MZT2A: variants seen among roughly 807,000 people sequenced by gnomAD.
The protein encoded by MZT2A is mitotic spindle organizing protein 2A.
In MZT2A, 8 loss-of-function variants were observed where a neutral mutation model predicts 12.4. The ratio of observed to expected loss-of-function variants is 0.64; its 90% CI spans 0.38 to 1.16. The LOEUF (loss-of-function observed/expected upper bound fraction) is 1.16. Among genes scored for constraint, MZT2A ranks in the 50% most tolerant of loss-of-function variants. MZT2A has a pLI of 0.01. For synonymous variants in MZT2A, 88 were observed against 107.5 expected (o/e 0.82, Z 1.12); for missense variants, 181 against 223.6 (o/e 0.81, Z 1.22).
In MZT2A at chr2:131,492,000, C is replaced by G. The variant is rs1436915092; in HGVS notation, c.195G>C (p.Leu65=). Residue 65 remains leucine (L), a synonymous_variant, in exon 2 of 3, where the codon CTG becomes CTC. Transcript: ENST00000309451. ...VFKILVDLLK[L]NVAPLAVFQM... is the part of the protein sequence containing the mutation. ...GGAAGACGGCGAGGGGGGCCACGTT[C>G]AGCTTCAGCAGGTCCACCAGGATCC... is the stretch of plus-strand genomic sequence containing the variant. The G allele has an allele frequency of 1.9e-6, 3 of 1,547,348 alleles. No individual in the cohort carries two copies. In the South Asian group the frequency reaches 3.6e-5, roughly 19 times the overall value.
intron 2 of MZT2A, among the ~76,000 whole-genome samples, chr2:131,488,531 TC>T (rs1356527817): frequency 7.2e-6 from 1 of 139,268 alleles, no homozygotes; most frequent in African/African-American, 2.7e-5. Context: ...TCCATGCCCC[TC>T]CCCCCGGATT....
downstream of MZT2A, chr2:131,480,479 C>A: frequency 1.3e-6 from 2 of 1,588,886 alleles, no homozygotes; most frequent in Non-Finnish European, 1.7e-6. Flanking sequence ...TAGTGCCGTA[C>A]CCCCGCATCC....
intron 2 of MZT2A, among the ~76,000 whole-genome samples, chr2:131,486,913 C>A (rs772548130): frequency 3.3e-5 from 5 of 152,102 alleles, no homozygotes; most frequent in African/African-American, 1.2e-4. Flanking sequence ...GCTCTCGGGG[C>A]TAGTGGGGAG....
intron 2 of MZT2A, chr2:131,476,211 C>T (rs749861322): frequency 4.3e-6 from 7 of 1,613,900 alleles, no homozygotes; most frequent in Middle Eastern, 1.7e-4. Flanking sequence ...TGGTAAGGCC[C>T]GGGTCACTCC....
intron 2 of MZT2A, among the ~76,000 whole-genome samples, chr2:131,488,402 G>C (rs1216294865): frequency 1.3e-5 from 2 of 152,130 alleles, no homozygotes; most frequent in African/African-American, 4.8e-5. Context: ...CTGCATGGCT[G>C]GGGGACAGGC....
chr2:131,488,229 G>T (rs1349554643), intron 2 of MZT2A, among the ~76,000 whole-genome samples: 1 of 152,180 alleles, frequency 6.6e-6, no homozygotes, highest in Admixed American at 6.5e-5. Flanking sequence ...AAAACGTATA[G>T]TTTCCCTAAA....
intron 2 of MZT2A, chr2:131,476,088 G>T (rs2622025): frequency 6.4e-7 from 1 of 1,551,050 alleles, no homozygotes; most frequent in Non-Finnish European, 8.7e-7. Context: ...TGGCACCGGC[G>T]GGCCAATCCC....
intron 2 of MZT2A, chr2:131,490,280 G>C: frequency 9.9e-7 from 1 of 1,005,264 alleles, no homozygotes; most frequent in Non-Finnish European, 1.2e-6. Context: ...GTGTGGCACT[G>C]CCTGGCAGAC....
chr2:131,489,628 A>G (rs1221987929), intron 2 of MZT2A: 1 of 153,184 alleles, frequency 6.5e-6, no homozygotes. Context: ...TCAGCCTCCC[A>G]AAGTGCTGGG....
rs1349296321 is a variant in MZT2A, at chr2:131,478,375, C to T, written c.279-6193G>A. ...AGAGCAGTGTTTGTGGACCTGGAGC[C>T]CACTGTGGTCGGTAGGTGCCTGGGC... On this transcript the variant is annotated intron_variant and NMD_transcript_variant, in intron 2 of 4. Transcript: ENST00000427024. 17 of 1,612,886 alleles carry T rather than the reference C, an allele frequency of 1.1e-5. No individual in the cohort carries two copies. In the Admixed American group the frequency reaches 2.7e-4, roughly 25 times the overall value.
In MZT2A at chr2:131,474,408, T is replaced by C. The variant is rs1229723658; in HGVS notation, c.279-2226A>G. Reference sequence around the variant, plus strand: ...CACCGCGCCCAGTCTTCTTCTTCTTTTTTTTTTTTTTTTTTTTTTGAGATG... The same window carrying C: ...CACCGCGCCCAGTCTTCTTCTTCTTCTTTTTTTTTTTTTTTTTTTGAGATG... On this transcript the variant is annotated intron_variant and NMD_transcript_variant, in intron 2 of 4. Coordinates refer to the MZT2A transcript ENST00000427024. 1.6e-3 allele frequency among the ~76,000 whole-genome samples: 158 copies of C among 96,336 alleles called. 3 individuals are homozygous for C. The highest frequency in any genetic ancestry group is 5.9e-3 in the South Asian group (20 of 3,418). 63.2% of individuals were successfully genotyped at this position (96,336 alleles called of 152,430 possible). A position where few individuals can be genotyped will look rare whatever the true frequency, so the allele number is the denominator to read the frequency against.
In MZT2A at chr2:131,489,893, C is replaced by G. The variant is rs1053630871; in HGVS notation, c.319+1983G>C. 3 of 974,510 alleles carry G rather than the reference C, an allele frequency of 3.1e-6. No individual in the cohort carries two copies. In the African/African-American group the frequency reaches 5.3e-5, roughly 17 times the overall value. The allele number at this position is 974,510 out of a possible 1,614,324, so 60.4% of individuals were successfully genotyped here. A position where few individuals can be genotyped will look rare whatever the true frequency, so the allele number is the denominator to read the frequency against. On this transcript the variant is annotated intron_variant, in intron 2 of 2. Transcript: ENST00000309451. ...CCTGCCACGCCCTCTGCCCTGAGAG[C>G]TAGGCCTGGCACCCAGAGCCCTGAG... is the stretch of plus-strand genomic sequence containing the variant.
At chr2:131,490,782 G>A in intron 2 of MZT2A, 1 of 1,549,980 alleles carries the variant, frequency 6.5e-7, no homozygotes, top group Non-Finnish European at 8.7e-7. Context: ...AGAGGTGAGT[G>A]TGTGGCAGCT....
At chr2:131,472,049 C>T (rs1704998282) in intron 3 of MZT2A, 19 of 1,288,348 alleles carry the variant, frequency 1.5e-5, no homozygotes, top group Non-Finnish European at 1.9e-5. Context: ...CCTTTCTCAC[C>T]CAGAACCGAA....
chr2:131,476,002 A>G, intron 2 of MZT2A: 1 of 971,482 alleles, frequency 1.0e-6, no homozygotes, highest in Non-Finnish European at 1.5e-6. Context: ...CCCAGTACAC[A>G]TGTTGAGCAA....
upstream of MZT2A, among the ~76,000 whole-genome samples, chr2:131,493,698 C>G (rs1431790722): frequency 1.3e-5 from 2 of 151,974 alleles, no homozygotes; most frequent in African/African-American, 4.8e-5. Context: ...AAAAAACAAA[C>G]GGGTCCGAAG....
At chr2:131,482,684 C>T, downstream of MZT2A, 2 of 1,614,168 alleles carry the variant, frequency 1.2e-6, no homozygotes, top group Non-Finnish European at 8.5e-7. Context: ...TAAGTTCGAT[C>T]TCATGTATGC....
intron 2 of MZT2A, among the ~76,000 whole-genome samples, chr2:131,485,494 C>T (rs1244411798): frequency 6.6e-6 from 1 of 152,212 alleles, no homozygotes; most frequent in Admixed American, 6.5e-5. Context: ...TCTTTCCTGG[C>T]TGTCCCTCGT....
At chr2:131,492,826 G>T, upstream of MZT2A, 1 of 1,450,618 alleles carries the variant, frequency 6.9e-7, no homozygotes, top group African/African-American at 1.4e-5. Context: ...TTACGCGCAC[G>T]CGCATTCCTT....
Sources: gnomAD v4.1 joint callset for allele counts (sites outside exome capture counted in the v4.1 genomes callset) on GRCh38, gnomAD v4.1.1 for gene constraint, MANE v1.5 for transcripts, NCBI Gene and HGNC (gene_info 2026-07-23, HGNC 2026-07-21) for gene names.